Variants in CBLB observed in about 807,000 individuals in gnomAD.
CBLB encodes E3 ubiquitin-protein ligase CBL-B.
CBLB carries 31 observed loss-of-function variants against 104.9 expected under a neutral mutation model. That is an observed-to-expected ratio of 0.30 (90% CI 0.22 to 0.40). The LOEUF is 0.40. CBLB is among the 10% of genes least tolerant of loss of function. CBLB has a pLI of 1.00. For synonymous variants in CBLB, 440 were observed against 422.6 expected (o/e 1.04, Z -0.51); for missense variants, 1,062 against 1,214.6 (o/e 0.87, Z 1.87).
At position 105,675,348 on chromosome 3, in the gene CBLB, G is replaced by A. The variant is rs186612398; in HGVS notation, c.2569+3083C>T. On this transcript the variant is annotated intron_variant, in intron 17 of 18. Coordinates refer to ENST00000394030, the MANE Select transcript of CBLB (RefSeq NM_170662.5). ...ACTGAGTTAAACTTTAGCATTTATA[G>A]CATATTCTTAATAAAGTCAATTCTT... Among the ~76,000 whole-genome samples the A allele has an allele frequency of 1.1e-3, 162 of 152,084 alleles. 2 individuals carry two copies. The highest frequency in any genetic ancestry group is 2.4e-4 in the Non-Finnish European group (16 of 67,994).
rs200538551 is a variant in CBLB, at chr3:105,665,390, AAAAT to A, written c.2689+4839_2689+4842del. Among the ~76,000 whole-genome samples, 1,178 of 122,340 alleles carry A rather than the reference AAAAT, an allele frequency of 9.6e-3. 36 individuals are homozygous for A. The highest frequency in any genetic ancestry group is 0.033 in the African/African-American group (1,007 of 30,212). The allele number at this position is 122,340 out of a possible 152,430, so 80.3% of individuals were successfully genotyped here. ...GACAGAGCGAGACTCTGTCTCCAAA[AAAAT>A]AAATAAATAAATAAATAAATAAATA... On this transcript the variant is annotated intron_variant, in intron 18 of 18. Coordinates refer to ENST00000394030, the MANE Select transcript of CBLB (RefSeq NM_170662.5).
chr3:105,715,181 G>C (rs1284097962), intron 10 of CBLB, among the ~76,000 whole-genome samples: 1 of 152,192 alleles, frequency 6.6e-6, no homozygotes, highest in African/African-American at 2.4e-5. Flanking sequence ...TGAAGTCAGA[G>C]AGAAGGCTGT....
At chr3:105,788,045 G>C (rs992350386) in intron 3 of CBLB, among the ~76,000 whole-genome samples, 5 of 152,084 alleles carry the variant, frequency 3.3e-5, no homozygotes, top group African/African-American at 1.2e-4. Context: ...TTATTTATTT[G>C]CTCTTGGTGA....
intron 5 of CBLB, among the ~76,000 whole-genome samples, chr3:105,748,435 T>C (rs1201561993): frequency 6.6e-6 from 1 of 152,188 alleles, no homozygotes; most frequent in Non-Finnish European, 1.5e-5. Flanking sequence ...TCTACTAAAA[T>C]ACTCCGTCCT....
At chr3:105,867,841 G>A (rs1265443647) in intron 1 of CBLB, among the ~76,000 whole-genome samples, 1 of 150,432 alleles carries the variant, frequency 6.6e-6, no homozygotes, top group African/African-American at 2.5e-5. Flanking sequence ...TCCTGCTCAC[G>A]TTTCAAGTAG....
chr3:105,800,843 G>A (rs1329283065), intron 3 of CBLB, among the ~76,000 whole-genome samples: 1 of 152,042 alleles, frequency 6.6e-6, no homozygotes, highest in Non-Finnish European at 1.5e-5. Context: ...CATATAATCT[G>A]GGTTTTACCA....
intron 3 of CBLB, among the ~76,000 whole-genome samples, chr3:105,852,566 T>C (rs1432689141): frequency 6.6e-6 from 1 of 152,114 alleles, no homozygotes; most frequent in Non-Finnish European, 1.5e-5. Flanking sequence ...GAAAAGAAAT[T>C]TTTTTTATAA....
At chr3:105,836,253 T>C (rs2088476181) in intron 3 of CBLB, among the ~76,000 whole-genome samples, 1 of 152,196 alleles carries the variant, frequency 6.6e-6, no homozygotes, top group African/African-American at 2.4e-5. Flanking sequence ...ATCCTCTCAA[T>C]GAAGTCCAGC....
intron 3 of CBLB, among the ~76,000 whole-genome samples, chr3:105,823,873 T>G (rs867164111): frequency 2.6e-5 from 4 of 152,166 alleles, no homozygotes; most frequent in Non-Finnish European, 5.9e-5. Context: ...ATTCTTATAA[T>G]GTCTCCATCA....
chr3:105,695,789 T>C (rs990953526), intron 12 of CBLB, among the ~76,000 whole-genome samples: 1 of 151,824 alleles, frequency 6.6e-6, no homozygotes, highest in Admixed American at 6.6e-5. Context: ...TACTTACGTT[T>C]TGTCAAGGAG....
In CBLB at chr3:105,658,713, G is replaced by A; in HGVS notation, c.*257C>T. On this transcript the variant is annotated 3_prime_UTR_variant, in exon 19 of 19. Coordinates refer to ENST00000394030, the MANE Select transcript of CBLB (RefSeq NM_170662.5). ...CATTTCACAGGTTCAAAGTTCAAGG[G>A]AAGTAAACGTCTTTAAATTATTTTT... 1.9e-6 allele frequency: 1 copy of A among 529,876 alleles called. No homozygotes were observed. The highest frequency in any genetic ancestry group is 3.4e-6 in the Non-Finnish European group (1 of 296,410). The allele number at this position is 529,876 out of a possible 1,614,324, so 32.8% of individuals were successfully genotyped here. A position where few individuals can be genotyped will look rare whatever the true frequency, so the allele number is the denominator to read the frequency against.
chr3:105,747,936 A>G (rs1407870702), intron 5 of CBLB, among the ~76,000 whole-genome samples: 1 of 152,182 alleles, frequency 6.6e-6, no homozygotes, highest in Non-Finnish European at 1.5e-5. Context: ...TTAGTACATA[A>G]TCCAGAGGGC....
chr3:105,731,808 T>C (rs1392752110), intron 9 of CBLB, among the ~76,000 whole-genome samples: 2 of 152,190 alleles, frequency 1.3e-5, no homozygotes, highest in African/African-American at 4.8e-5. Flanking sequence ...AACAAATGTT[T>C]CTGTCAAACT....
intron 12 of CBLB, among the ~76,000 whole-genome samples, chr3:105,698,953 C>A (rs1385897458): frequency 6.6e-6 from 1 of 151,936 alleles, no homozygotes; most frequent in African/African-American, 2.4e-5. Flanking sequence ...AAAACCTGTC[C>A]CTTTGTAACT....
intron 4 of CBLB, among the ~76,000 whole-genome samples, chr3:105,769,715 A>G (rs1200748835): frequency 6.6e-6 from 1 of 152,248 alleles, no homozygotes. Flanking sequence ...TACCGAAATG[A>G]TAAGTAGAAA....
chr3:105,844,223 G>A (rs539703014), intron 3 of CBLB, among the ~76,000 whole-genome samples: 7 of 152,314 alleles, frequency 4.6e-5, no homozygotes, highest in African/African-American at 1.7e-4. Flanking sequence ...GAGGGGCAAG[G>A]CCCTGCTGGC....
chr3:105,815,743 C>T (rs1210945988), intron 3 of CBLB, among the ~76,000 whole-genome samples: 1 of 152,158 alleles, frequency 6.6e-6, no homozygotes, highest in Non-Finnish European at 1.5e-5. Flanking sequence ...AAGACACATG[C>T]ACACATGTTT....
chr3:105,770,805 G>T (rs1321177521), intron 4 of CBLB, among the ~76,000 whole-genome samples: 3 of 152,180 alleles, frequency 2.0e-5, no homozygotes, highest in African/African-American at 7.2e-5. Context: ...TGTTAGCAGA[G>T]CACTGTGGGA....
chr3:105,738,864 T>C (rs2075238665), intron 7 of CBLB, among the ~76,000 whole-genome samples: 1 of 152,292 alleles, frequency 6.6e-6, no homozygotes, highest in African/African-American at 2.4e-5. Context: ...TAACTTGCCA[T>C]ACAATTACTA....
Sources: gnomAD v4.1 joint callset for allele counts (sites outside exome capture counted in the v4.1 genomes callset) on GRCh38, gnomAD v4.1.1 for gene constraint, MANE v1.5 for transcripts, NCBI Gene and HGNC (gene_info 2026-07-23, HGNC 2026-07-21) for gene names.